The following CACNB2 variants were observed in gnomAD, a reference collection of about 807,000 sequenced individuals.
The protein encoded by CACNB2 is calcium voltage-gated channel auxiliary subunit beta 2.
Under a neutral mutation model 73.3 loss-of-function variants are expected in CACNB2, and 42 were observed. The observed-to-expected ratio is 0.57, with a 90% CI of 0.45 to 0.74. CACNB2 has a LOEUF of 0.74. Ranked by LOEUF, CACNB2 falls within the 30% of genes least tolerant of loss-of-function variation. The pLI is 0.00. For missense variants in CACNB2, 940 were observed against 853.0 expected (o/e 1.10, Z -1.27); for synonymous variants, 348 against 310.3 (o/e 1.12, Z -1.28).
intron 2 of CACNB2, among the ~76,000 whole-genome samples, chr10:18,348,785 G>A (rs2041581036): frequency 6.6e-6 from 1 of 152,100 alleles, no homozygotes; most frequent in South Asian, 2.1e-4. Context: ...TTACAGGTTT[G>A]AGCCACTGTG....
chr10:18,451,327 A>T (rs1296745440), intron 3 of CACNB2, among the ~76,000 whole-genome samples: 1 of 152,224 alleles, frequency 6.6e-6, no homozygotes, highest in East Asian at 1.9e-4. Context: ...ATTTAGAAGC[A>T]TAGTGGTGTG....
At chr10:18,464,041 C>T (rs1429239737) in intron 3 of CACNB2, among the ~76,000 whole-genome samples, 7 of 152,118 alleles carry the variant, frequency 4.6e-5, no homozygotes, top group South Asian at 2.1e-4. Context: ...TCATAAACAT[C>T]GTCTTATCTT....
intron 2 of CACNB2, among the ~76,000 whole-genome samples, chr10:18,169,366 T>C (rs1175706117): frequency 6.6e-6 from 1 of 152,192 alleles, no homozygotes; most frequent in African/African-American, 2.4e-5. Flanking sequence ...ATTCTTGTTT[T>C]ATGTTTACAA....
In CACNB2 at chr10:18,514,253, A is replaced by T; in HGVS notation, c.688A>T (p.Thr230Ser). 1 of 1,614,082 alleles carries T rather than the reference A, an allele frequency of 6.2e-7. No individual in the cohort carries two copies. ...PPSSAIDIDA[T>S]GLDAEENDIP... ...GTATATAGCTATAGACATAGATGCT[A>T]CTGGCTTAGATGCAGAAGAAAATGA... is the stretch of plus-strand genomic sequence containing the variant. Residue 230 changes from threonine (T) to serine (S), a missense_variant, in exon 7 of 14, where the codon ACT becomes TCT. Transcript: ENST00000324631.
chr10:18,147,811 C>G lies in CACNB2; in HGVS notation c.121-3072C>G, dbSNP rs537119256. Reference sequence around the variant, plus strand: ...AGGTTTGGCCTTCACTTTTTTCCCCCCTTAATTCCTTCAGAAGAAGTAGTC... The same window carrying G: ...AGGTTTGGCCTTCACTTTTTTCCCCGCTTAATTCCTTCAGAAGAAGTAGTC... On this transcript the variant is annotated intron_variant, in intron 1 of 13. Coordinates refer to ENST00000324631, the MANE Select transcript of CACNB2 (RefSeq NM_201596.3). Among the ~76,000 whole-genome samples the G allele has an allele frequency of 6.6e-5, 10 of 152,064 alleles. No homozygotes were observed. The South Asian group carries it at 1.9e-3, about 28-fold the overall frequency.
chr10:18,283,259 T>C (rs1446295462), intron 2 of CACNB2, among the ~76,000 whole-genome samples: 1 of 152,222 alleles, frequency 6.6e-6, no homozygotes, highest in East Asian at 1.9e-4. Flanking sequence ...GAAGACAGTG[T>C]GGTGATTCCT....
chr10:18,306,756 C>T (rs990059032), intron 2 of CACNB2, among the ~76,000 whole-genome samples: 2 of 152,026 alleles, frequency 1.3e-5, no homozygotes, highest in South Asian at 2.1e-4. Context: ...AAGTTCTAGT[C>T]CTTGGGAAGT....
At chr10:18,466,266 C>T (rs986026317) in intron 3 of CACNB2, among the ~76,000 whole-genome samples, 28 of 152,102 alleles carry the variant, frequency 1.8e-4, no homozygotes, top group Non-Finnish European at 2.9e-5. Context: ...GAGACAGTGT[C>T]GCTCTGTCAC....
chr10:18,431,185 G>A (rs1270127552), intron 3 of CACNB2, among the ~76,000 whole-genome samples: 1 of 151,392 alleles, frequency 6.6e-6, no homozygotes, highest in Non-Finnish European at 1.5e-5. Flanking sequence ...GTCTCGGTGT[G>A]TTGCACAGCC....
chr10:18,197,939 A>G (rs1335609894), intron 2 of CACNB2, among the ~76,000 whole-genome samples: 1 of 148,218 alleles, frequency 6.7e-6, no homozygotes, highest in Non-Finnish European at 1.5e-5. Context: ...GTTAATATAT[A>G]GTCAATTAAT....
chr10:18,155,238 T>A (rs1779445945), intron 2 of CACNB2, among the ~76,000 whole-genome samples: 1 of 152,218 alleles, frequency 6.6e-6, no homozygotes, highest in African/African-American at 2.4e-5. Flanking sequence ...ATAATCACCA[T>A]CCTTACTTCC....
intron 3 of CACNB2, among the ~76,000 whole-genome samples, chr10:18,404,197 T>C (rs1217911263): frequency 2.0e-5 from 3 of 152,152 alleles, no homozygotes; most frequent in Non-Finnish European, 4.4e-5. Context: ...TGTATTCAAA[T>C]GAGACACACT....
chr10:18,320,356 G>T (rs2040354621), intron 2 of CACNB2, among the ~76,000 whole-genome samples: 1 of 152,112 alleles, frequency 6.6e-6, no homozygotes, highest in East Asian at 1.9e-4. Context: ...CTTTGGTTTT[G>T]TGGTCTATGA....
intron 2 of CACNB2, among the ~76,000 whole-genome samples, chr10:18,288,369 C>G (rs2038894085): frequency 6.6e-6 from 1 of 152,202 alleles, no homozygotes; most frequent in African/African-American, 2.4e-5. Flanking sequence ...TTCTAACACA[C>G]TGTGTTTGTG....
chr10:18,521,169 G>A (rs1005155947), intron 9 of CACNB2, among the ~76,000 whole-genome samples: 1 of 152,220 alleles, frequency 6.6e-6, no homozygotes, highest in African/African-American at 2.4e-5. Flanking sequence ...ATTGAAACCT[G>A]TAGCAGTAAC....
At chr10:18,329,127 T>C (rs1428422570) in intron 2 of CACNB2, among the ~76,000 whole-genome samples, 2 of 152,182 alleles carry the variant, frequency 1.3e-5, no homozygotes, top group African/African-American at 2.4e-5. Flanking sequence ...AGGATTTTCT[T>C]TTTATTCTTA....
At chr10:18,440,136 G>A (rs766124832) in intron 3 of CACNB2, among the ~76,000 whole-genome samples, 8 of 152,136 alleles carry the variant, frequency 5.3e-5, no homozygotes, top group Non-Finnish European at 1.2e-4. Context: ...GTGTCTTCAT[G>A]TGGGAGAGGG....
At chr10:18,260,002 T>C (rs908852719) in intron 2 of CACNB2, among the ~76,000 whole-genome samples, 1 of 152,202 alleles carries the variant, frequency 6.6e-6, no homozygotes, top group African/African-American at 2.4e-5. Flanking sequence ...GGTTAATCTG[T>C]GACATGAAAT....
At chr10:18,333,212 T>G (rs1233609080) in intron 2 of CACNB2, among the ~76,000 whole-genome samples, 1 of 152,098 alleles carries the variant, frequency 6.6e-6, no homozygotes, top group Non-Finnish European at 1.5e-5. Context: ...TTCAACGCGC[T>G]TTCTCAAAAA....
Sources: gnomAD v4.1 joint callset for allele counts (sites outside exome capture counted in the v4.1 genomes callset) on GRCh38, gnomAD v4.1.1 for gene constraint, MANE v1.5 for transcripts, NCBI Gene and HGNC (gene_info 2026-07-23, HGNC 2026-07-21) for gene names.